The following LPL variants were observed in gnomAD, a reference collection of about 807,000 sequenced individuals.
The protein encoded by LPL is phospholipase A1.
In LPL, 43 loss-of-function variants were observed where a neutral mutation model predicts 52.2. The ratio of observed to expected loss-of-function variants is 0.82; its 90% CI spans 0.64 to 1.06. The LOEUF (loss-of-function observed/expected upper bound fraction) is 1.06. Among genes scored for constraint, LPL ranks in the 50% least tolerant of loss-of-function variants. The pLI is 0.00. For missense variants in LPL, 639 were observed against 585.3 expected (o/e 1.09, Z -0.95); for synonymous variants, 244 against 215.6 (o/e 1.13, Z -1.15).
intron 4 of LPL, among the ~76,000 whole-genome samples, chr8:19,953,842 A>G (rs1470453501): frequency 1.3e-5 from 2 of 152,210 alleles, no homozygotes; most frequent in Middle Eastern, 3.2e-3. Context: ...ACCACTGTTT[A>G]TACATCTTCT....
Position 19,939,938 on chromosome 8 carries a change from C to G in LPL, c.88+410C>G. On this transcript the variant is annotated intron_variant, in intron 1 of 9. Coordinates refer to ENST00000650287, the MANE Select transcript of LPL (RefSeq NM_000237.3). The surrounding 1 kb of genome is among the most constrained non-coding windows in gnomAD (Gnocchi z 4.0). ...GAGGGGCCCTGGAATGAAAGGCGCG[C>G]GGGCCAAGGTGACCTCGCCTTGGTT... 6.6e-6 allele frequency among the ~76,000 whole-genome samples: 1 copy of G among 152,166 alleles called. No individual in the cohort carries two copies. The highest frequency in any genetic ancestry group is 1.9e-4 in the East Asian group (1 of 5,142).
At chr8:19,958,179 C>G (rs543891494) in intron 6 of LPL, among the ~76,000 whole-genome samples, 12 of 151,964 alleles carry the variant, frequency 7.9e-5, no homozygotes, top group African/African-American at 2.9e-4. Flanking sequence ...CCACCACGCC[C>G]AACTAATTTC....
rs538947347 is a variant in LPL at position 19,965,765 on chromosome 8, C to A, written c.*455C>A. The A allele has an allele frequency of 6.3e-6, 1 of 157,856 alleles. No individual in the cohort carries two copies. The highest frequency in any genetic ancestry group is 2.4e-5 in the African/African-American group (1 of 41,292). The allele number at this position is 157,856 out of a possible 1,614,324, so 9.8% of individuals were successfully genotyped here. On this transcript the variant is annotated 3_prime_UTR_variant, in exon 10 of 10. Transcript: ENST00000650287. ...ATACAGAAAATGCTTTTCCGCGGCA[C>A]GAATCAGACTCATCTACACAGCAGT...
intron 9 of LPL, among the ~76,000 whole-genome samples, chr8:19,963,793 G>A (rs1176314737): frequency 6.6e-6 from 1 of 152,176 alleles, no homozygotes; most frequent in Non-Finnish European, 1.5e-5. Context: ...AGAATAGTTA[G>A]TGGTATTGAG....
intron 2 of LPL, 98 bp downstream of exon 2, chr8:19,948,438 C>T: frequency 1.5e-6 from 2 of 1,352,542 alleles, no homozygotes; most frequent in Non-Finnish European, 2.1e-6. Flanking sequence ...CCGCACCCCA[C>T]ATCTCACGTG....
chr8:19,942,647 T>C (rs1254709351), intron 1 of LPL, among the ~76,000 whole-genome samples: 1 of 152,196 alleles, frequency 6.6e-6, no homozygotes, highest in Admixed American at 6.5e-5. Flanking sequence ...TTTGCAAAAG[T>C]TGAAGGCTCC....
At chr8:19,947,967 CAATCTT>C (rs1281920879) in intron 1 of LPL, among the ~76,000 whole-genome samples, 2 of 152,184 alleles carry the variant, frequency 1.3e-5, no homozygotes, top group African/African-American at 2.4e-5. Context: ...TCAATGGTGA[CAATCTT>C]AATTCAGAGT....
chr8:19,943,110 C>T (rs928348872), intron 1 of LPL, among the ~76,000 whole-genome samples: 5 of 152,254 alleles, frequency 3.3e-5, no homozygotes, highest in African/African-American at 1.2e-4. Flanking sequence ...GCTCACAGCA[C>T]TCAACCCACT....
chr8:19,948,816 T>C (rs1390494499), intron 2 of LPL, among the ~76,000 whole-genome samples: 2 of 152,108 alleles, frequency 1.3e-5, no homozygotes, highest in Non-Finnish European at 2.9e-5. Context: ...ATCAAGTCAC[T>C]TGTCATCTCT....
intron 9 of LPL, among the ~76,000 whole-genome samples, 195 bp downstream of exon 9, chr8:19,962,414 T>C (rs908709450): frequency 6.6e-6 from 1 of 152,192 alleles, no homozygotes; most frequent in Non-Finnish European, 1.5e-5. Context: ...TTCCTCTTTT[T>C]TTCTTTCTCC....
rs2070089419 is a variant in LPL, at chr8:19,966,366, G to C, written c.*1056G>C. The stretch of plus-strand genomic sequence containing the variant: ...CAAGGACCGTTTTTACTAAGTAAAA[G>C]GGTGGAGAGGTTCCTGGGGTGGATT... On this transcript the variant is annotated 3_prime_UTR_variant, in exon 10 of 10. Coordinates refer to ENST00000650287, the MANE Select transcript of LPL (RefSeq NM_000237.3). 6.6e-6 allele frequency: 1 copy of C among 152,184 alleles called. No homozygotes were observed. The highest frequency in any genetic ancestry group is 2.4e-5 in the African/African-American group (1 of 41,454). 9.4% of individuals were successfully genotyped at this position (152,184 alleles called of 1,614,324 possible).
chr8:19,951,424 A>G (rs1246115401), intron 2 of LPL, among the ~76,000 whole-genome samples: 1 of 152,220 alleles, frequency 6.6e-6, no homozygotes, highest in Non-Finnish European at 1.5e-5. Flanking sequence ...TGCTCCTGCT[A>G]GTTTCCTCAA....
intron 1 of LPL, among the ~76,000 whole-genome samples, chr8:19,940,623 T>C (rs993467269): frequency 6.6e-6 from 1 of 152,218 alleles, no homozygotes; most frequent in Non-Finnish European, 1.5e-5. Context: ...GGGACAACAT[T>C]TCCTTTTTTC....
chr8:19,963,490 A>G (rs907705023), intron 9 of LPL, among the ~76,000 whole-genome samples: 4 of 152,188 alleles, frequency 2.6e-5, no homozygotes, highest in Non-Finnish European at 5.9e-5. Flanking sequence ...CCTATGTGTA[A>G]CATCTTTAAT....
intron 6 of LPL, 22 bp downstream of exon 6, chr8:19,956,105 A>G (rs2069983229): frequency 6.2e-7 from 1 of 1,613,946 alleles, no homozygotes; most frequent in East Asian, 2.2e-5. Context: ...ACTGTTGTAA[A>G]TAAGGAAACC....
intron 7 of LPL, among the ~76,000 whole-genome samples, chr8:19,960,438 T>C (rs2128839469): frequency 6.6e-6 from 1 of 152,194 alleles, no homozygotes; most frequent in East Asian, 1.9e-4. Flanking sequence ...AAATGAATCG[T>C]GGTTTATCAA....
intron 9 of LPL, among the ~76,000 whole-genome samples, chr8:19,963,986 C>T (rs964521330): frequency 2.0e-5 from 3 of 151,120 alleles, no homozygotes; most frequent in Non-Finnish European, 4.4e-5. Flanking sequence ...GAGTTTTGCT[C>T]TTGCTGCCCA....
In LPL at chr8:19,955,894, G is replaced by A. The variant is rs118204068; in HGVS notation, c.829G>A (p.Asp277Asn). 13 of 1,613,966 alleles carry A rather than the reference G, an allele frequency of 8.1e-6. No homozygotes were observed. Among genetic ancestry groups the A allele is most frequent in the Admixed American group, 1.7e-5 (1 of 59,992 alleles). ...CGAGCGCTCCATTCATCTCTTCATC[G>A]ACTCTCTGTTGAATGAAGAAAATCC... ...SHERSIHLFI[D>N]SLLNEENPSK... Residue 277 changes from aspartate (D) to asparagine (N), a missense_variant, in exon 6 of 10, where the codon GAC becomes AAC. By Grantham distance (23) the Asp-to-Asn change is conservative. Coordinates refer to ENST00000650287, the MANE Select transcript of LPL (RefSeq NM_000237.3).
At chr8:19,945,194 G>A (rs572690956) in intron 1 of LPL, among the ~76,000 whole-genome samples, 208 of 152,186 alleles carry the variant, frequency 1.4e-3, no homozygotes, top group Non-Finnish European at 2.4e-3. Flanking sequence ...GCAATCACAG[G>A]ATGCATTGGG....
Sources: allele counts gnomAD v4.1 joint callset (sites outside exome capture counted in the v4.1 genomes callset), GRCh38; gene constraint gnomAD v4.1.1; non-coding constraint Gnocchi (gnomAD v3.1); transcripts MANE v1.5; gene names NCBI Gene and HGNC (gene_info 2026-07-23, HGNC 2026-07-21).